Variants in PLAGL1 observed in about 807,000 individuals in gnomAD.
PLAGL1 encodes the protein zinc finger protein PLAGL1.
In PLAGL1, 1 loss-of-function variant was observed where a neutral mutation model predicts 4.6. That is an observed-to-expected ratio of 0.22 (90% confidence interval 0.08 to 1.03). The LOEUF is 1.03. Among genes scored for constraint, PLAGL1 ranks in the 50% least tolerant of loss-of-function variants. PLAGL1 has a pLI of 0.58. For missense variants in PLAGL1, 464 were observed against 570.4 expected (o/e 0.81, Z 1.90); for synonymous variants, 240 against 237.8 (o/e 1.01, Z -0.08).
chr6:143,951,595 C>T (rs1333355856), intron 6 of PLAGL1, among the ~76,000 whole-genome samples: 2 of 152,232 alleles, frequency 1.3e-5, no homozygotes, highest in Non-Finnish European at 2.9e-5. Context: ...TCTTTCCAGC[C>T]ACTTCTTCCC....
intron 1 of PLAGL1, among the ~76,000 whole-genome samples, chr6:144,014,387 C>T (rs1038113717): frequency 1.3e-5 from 2 of 151,892 alleles, no homozygotes; most frequent in African/African-American, 4.8e-5. Flanking sequence ...CAAGATTGCA[C>T]CACTGCACTC....
At position 143,990,214 on chromosome 6, in the gene PLAGL1, G is replaced by A. The variant is rs1487272817; in HGVS notation, c.-583-5040C>T. Among the ~76,000 whole-genome samples, 9 of 151,806 alleles carry A rather than the reference G, an allele frequency of 5.9e-5. No individual in the cohort carries two copies. The highest frequency in any genetic ancestry group is 2.2e-4 in the African/African-American group (9 of 41,300). On this transcript the variant is annotated intron_variant, in intron 1 of 7. Transcript: ENST00000674357. This position sits in a 1 kb window ranked among gnomAD's most constrained non-coding sequence, Gnocchi z 5.4. Reference sequence around the variant, plus strand: ...CAGCTCACTGCAACCTCCGCCTACCGGGTTCAAGCGATTATCTTGCTTCAG... The same window carrying A: ...CAGCTCACTGCAACCTCCGCCTACCAGGTTCAAGCGATTATCTTGCTTCAG...
Position 143,975,456 on chromosome 6 carries a change from T to C in PLAGL1, c.-543-6478A>G, listed in dbSNP as rs1242961344. On this transcript the variant is annotated intron_variant, in intron 2 of 7. Coordinates refer to ENST00000674357, the MANE Select transcript of PLAGL1 (RefSeq NM_001317162.2). This position sits in a 1 kb window ranked among gnomAD's most constrained non-coding sequence, Gnocchi z 5.8. Reference sequence around the variant, plus strand: ...TCACAGGGTTTGTGGAGGATCAAATTAGATAACTAATATAAAGCTCCTAAA... The same window carrying C: ...TCACAGGGTTTGTGGAGGATCAAATCAGATAACTAATATAAAGCTCCTAAA... 6.6e-6 allele frequency among the ~76,000 whole-genome samples: 1 copy of C among 152,198 alleles called. No homozygotes were observed. Among genetic ancestry groups the C allele is most frequent in the Non-Finnish European group, 1.5e-5 (1 of 68,030 alleles).
rs1428720720 is a variant in PLAGL1, at chr6:143,954,318, A to C, written c.-324-5858T>G. On this transcript the variant is annotated intron_variant, in intron 6 of 7. Coordinates refer to ENST00000674357, the MANE Select transcript of PLAGL1 (RefSeq NM_001317162.2). The surrounding 1 kb of genome is among the most constrained non-coding windows in gnomAD (Gnocchi z 5.1). ...GAAAAAAAGACTACGGGGGGAAGGAAACTTCAAAAATAATAATCATTAATA... is the reference window on the plus strand; with the variant it reads ...GAAAAAAAGACTACGGGGGGAAGGACACTTCAAAAATAATAATCATTAATA... Among the ~76,000 whole-genome samples the C allele has an allele frequency of 6.6e-6, 1 of 152,218 alleles. No homozygotes were observed. The highest frequency in any genetic ancestry group is 1.5e-5 in the Non-Finnish European group (1 of 68,038).
At chr6:144,021,550 ATTC>A (rs572922310) in intron 1 of PLAGL1, among the ~76,000 whole-genome samples, 180 of 152,320 alleles carry the variant, frequency 1.2e-3, no homozygotes, top group Non-Finnish European at 2.0e-3. Context: ...ATGTAGAGAA[ATTC>A]TACATGCCAA....
rs1177047112 is a variant in PLAGL1 at position 144,005,866 on chromosome 6, T to G, written c.-584+2224A>C. 6.6e-6 allele frequency: 1 copy of G among 152,042 alleles called. No individual in the cohort carries two copies. Among genetic ancestry groups the G allele is most frequent in the African/African-American group, 2.4e-5 (1 of 41,444 alleles). The allele number at this position is 152,042 out of a possible 1,614,324, so 9.4% of individuals were successfully genotyped here. ...CCTGAAAGAACTGAGGAACAGAAAT[T>G]ATTGAGGTAAATACAATATGTTAGC... On this transcript the variant is annotated intron_variant, in intron 1 of 7. Transcript: ENST00000674357. This position sits in a 1 kb window ranked among gnomAD's most constrained non-coding sequence, Gnocchi z 4.6.
intron 1 of PLAGL1, among the ~76,000 whole-genome samples, chr6:144,029,879 AAACT>A (rs1190074899): frequency 2.0e-5 from 3 of 152,250 alleles, no homozygotes; most frequent in Non-Finnish European, 2.9e-5. Flanking sequence ...TCCTGTAGAT[AAACT>A]AACATGTTCA....
In PLAGL1 at chr6:143,949,734, A is replaced by G. The variant is rs182218273; in HGVS notation, c.-324-1274T>C. Among the ~76,000 whole-genome samples the G allele has an allele frequency of 2.0e-4, 30 of 152,358 alleles. 2 individuals are homozygous for G. The East Asian group carries it at 5.6e-3, about 28-fold the overall frequency. On this transcript the variant is annotated intron_variant, in intron 6 of 7. Coordinates refer to ENST00000674357, the MANE Select transcript of PLAGL1 (RefSeq NM_001317162.2). The surrounding 1 kb of genome is among the most constrained non-coding windows in gnomAD (Gnocchi z 5.3). ...AGGCCAGCATTTGCTGAACTTTGCC[A>G]GTAAGCAGGGCACTTCATGGTAAAC...
intron 1 of PLAGL1, among the ~76,000 whole-genome samples, chr6:144,014,338 G>A (rs942707078): frequency 6.6e-6 from 1 of 152,016 alleles, no homozygotes; most frequent in Non-Finnish European, 1.5e-5. Flanking sequence ...GCTAAGGCAG[G>A]AGAATTGCTT....
chr6:143,948,200 A>C lies in PLAGL1; in HGVS notation c.-64T>G. The C allele has an allele frequency of 6.8e-7, 1 of 1,468,568 alleles. No individual in the cohort carries two copies. The highest frequency in any genetic ancestry group is 1.7e-5 in the Admixed American group (1 of 58,618). The allele number at this position is 1,468,568 out of a possible 1,614,324, so 91.0% of individuals were successfully genotyped here. A position where few individuals can be genotyped will look rare whatever the true frequency, so the allele number is the denominator to read the frequency against. ...ACCAAATGCTGTGCCATTTAAGCAC[A>C]AACAGAACGATGGTGCTGGGCACAT... On this transcript the variant is annotated 5_prime_UTR_variant, in exon 7 of 8. Transcript: ENST00000674357. The surrounding 1 kb of genome is among the most constrained non-coding windows in gnomAD (Gnocchi z 6.0).
rs770658845 is a variant in PLAGL1 at position 144,056,249 on chromosome 6, C to T, written c.-151+8219G>A. On this transcript the variant is annotated intron_variant, in intron 1 of 3. Coordinates refer to the PLAGL1 transcript ENST00000437412. This position sits in a 1 kb window ranked among gnomAD's most constrained non-coding sequence, Gnocchi z 4.7. ...AGAGACATCTTACATGTCCCATCCCCCACACACGCACAGCCTCCCCTATTA... is the reference window on the plus strand; with the variant it reads ...AGAGACATCTTACATGTCCCATCCCTCACACACGCACAGCCTCCCCTATTA... Among the ~76,000 whole-genome samples the T allele has an allele frequency of 1.3e-5, 2 of 152,146 alleles. No homozygotes were observed. Among genetic ancestry groups the T allele is most frequent in the Non-Finnish European group, 2.9e-5 (2 of 68,032 alleles).
At position 144,039,416 on chromosome 6, in the gene PLAGL1, C is replaced by G. The variant is rs558979517; in HGVS notation, c.-151+25052G>C. ...TCTGGCCAACATGGCAAAACCCCATCTCTACAAAAAAATACAAAAATTAGC... is the reference window on the plus strand; with the variant it reads ...TCTGGCCAACATGGCAAAACCCCATGTCTACAAAAAAATACAAAAATTAGC... On this transcript the variant is annotated intron_variant, in intron 1 of 3. Transcript: ENST00000437412. This position sits in a 1 kb window ranked among gnomAD's most constrained non-coding sequence, Gnocchi z 4.1. Among the ~76,000 whole-genome samples the G allele has an allele frequency of 6.6e-6, 1 of 152,204 alleles. No individual in the cohort carries two copies. Among genetic ancestry groups the G allele is most frequent in the South Asian group, 2.1e-4 (1 of 4,826 alleles).
chr6:143,975,459 A>G lies in PLAGL1; in HGVS notation c.-543-6481T>C, dbSNP rs1221042382. Among the ~76,000 whole-genome samples, 4 of 152,244 alleles carry G rather than the reference A, an allele frequency of 2.6e-5. No individual in the cohort carries two copies. The highest frequency in any genetic ancestry group is 2.6e-4 in the Admixed American group (4 of 15,290). On this transcript the variant is annotated intron_variant, in intron 2 of 7. Transcript: ENST00000674357. This position sits in a 1 kb window ranked among gnomAD's most constrained non-coding sequence, Gnocchi z 5.8. ...CAGGGTTTGTGGAGGATCAAATTAGATAACTAATATAAAGCTCCTAAAACA... is the reference window on the plus strand; with the variant it reads ...CAGGGTTTGTGGAGGATCAAATTAGGTAACTAATATAAAGCTCCTAAAACA...
rs1349853323 is a variant in PLAGL1 at position 143,972,017 on chromosome 6, C to T, written c.-543-3039G>A. Among the ~76,000 whole-genome samples, 1 of 151,866 alleles carries T rather than the reference C, an allele frequency of 6.6e-6. No individual in the cohort carries two copies. On this transcript the variant is annotated intron_variant, in intron 2 of 7. Coordinates refer to ENST00000674357, the MANE Select transcript of PLAGL1 (RefSeq NM_001317162.2). This position sits in a 1 kb window ranked among gnomAD's most constrained non-coding sequence, Gnocchi z 6.8. ...GGACTGCCTGACAAACTTGCTAAAG[C>T]AAAAAAGGGCATAATAGTTCTCTGC...
rs184478259 is a variant in PLAGL1, at chr6:144,041,709, G to A, written c.-151+22759C>T. Among the ~76,000 whole-genome samples the A allele has an allele frequency of 2.0e-3, 311 of 152,284 alleles. 1 individual carries two copies. Among genetic ancestry groups the A allele is most frequent in the Admixed American group, 7.5e-3 (114 of 15,300 alleles). On this transcript the variant is annotated intron_variant, in intron 1 of 3. Transcript: ENST00000437412. ...CCTTTGGGTATATACCCAGTAATGGGATCACTGGGTCAAATGGTAGTTCTA... is the reference window on the plus strand; with the variant it reads ...CCTTTGGGTATATACCCAGTAATGGAATCACTGGGTCAAATGGTAGTTCTA...
rs370376375 is a variant in PLAGL1 at position 144,063,581 on chromosome 6, C to T, written c.-151+887G>A. ...TCCGTGAATACATCGGAGTTCTGTT[C>T]TTTCGGTGGCCACACAGATGCTCAA... On this transcript the variant is annotated intron_variant, in intron 1 of 3. Transcript: ENST00000437412. The surrounding 1 kb of genome is among the most constrained non-coding windows in gnomAD (Gnocchi z 5.7). 1.3e-3 allele frequency among the ~76,000 whole-genome samples: 197 copies of T among 152,352 alleles called. 1 individual carries two copies. Among genetic ancestry groups the T allele is most frequent in the African/African-American group, 4.5e-3 (189 of 41,580 alleles).
rs573289748 is a variant in PLAGL1, at chr6:143,984,591, T to C, written c.-544+544A>G. Among the ~76,000 whole-genome samples, 1 of 152,284 alleles carries C rather than the reference T, an allele frequency of 6.6e-6. No individual in the cohort carries two copies. The highest frequency in any genetic ancestry group is 2.1e-4 in the South Asian group (1 of 4,820). ...GAACCTGCTAGAACAAGATTCAAGA[T>C]ACAGACTTAGAATCTGTCAGAGAAT... On this transcript the variant is annotated intron_variant, in intron 2 of 7. Transcript: ENST00000674357. The surrounding 1 kb of genome is among the most constrained non-coding windows in gnomAD (Gnocchi z 5.5).
intron 2 of PLAGL1, among the ~76,000 whole-genome samples, chr6:143,977,129 A>C (rs1199333737): frequency 2.5e-5 from 3 of 119,760 alleles, no homozygotes; most frequent in African/African-American, 9.2e-5. Flanking sequence ...GACATCCCCC[A>C]CTAGAGTGGT....
chr6:144,031,505 C>T (rs532113732), intron 1 of PLAGL1, among the ~76,000 whole-genome samples: 6 of 152,264 alleles, frequency 3.9e-5, no homozygotes, highest in African/African-American at 1.2e-4. Flanking sequence ...AGTCTTTGAT[C>T]CATCTTGAGT....
Sources: gnomAD v4.1 joint callset for allele counts (sites outside exome capture counted in the v4.1 genomes callset) on GRCh38, gnomAD v4.1.1 for gene constraint, Gnocchi (gnomAD v3.1) non-coding constraint, MANE v1.5 for transcripts, NCBI Gene and HGNC (gene_info 2026-07-23, HGNC 2026-07-21) for gene names.